Variants in SYPL2 observed in about 807,000 individuals in gnomAD.
The protein encoded by SYPL2 is synaptophysin like 2.
A neutral mutation model predicts 31.3 loss-of-function variants in SYPL2; 24 were observed. The ratio of observed to expected loss-of-function variants is 0.77; its 90% confidence interval spans 0.56 to 1.08. SYPL2 has a LOEUF of 1.08. SYPL2 is among the 50% of genes least tolerant of loss of function. The pLI, the probability that SYPL2 is intolerant of heterozygous loss-of-function variation, is 0.00. For missense variants in SYPL2, 342 were observed against 360.1 expected, an observed-to-expected ratio of 0.95 and a Z score of 0.41; for synonymous variants, 144 against 143.1, an observed-to-expected ratio of 1.01 and a Z score of -0.05.
intron 2 of SYPL2, among the ~76,000 whole-genome samples, chr1:109,472,320 A>G (rs1283054968): frequency 6.6e-6 from 1 of 150,440 alleles, no homozygotes; most frequent in Non-Finnish European, 1.5e-5. Flanking sequence ...CTAGTCTCAA[A>G]CTCCTGGGCT....
intron 2 of SYPL2, among the ~76,000 whole-genome samples, chr1:109,472,918 C>T (rs1226693123): frequency 6.6e-6 from 1 of 152,078 alleles, no homozygotes; most frequent in Non-Finnish European, 1.5e-5. Flanking sequence ...CCATGCCCGG[C>T]CCCTGCTTTC....
intron 2 of SYPL2, among the ~76,000 whole-genome samples, chr1:109,471,972 G>A (rs1375771759): frequency 6.6e-6 from 1 of 151,022 alleles, no homozygotes; most frequent in Non-Finnish European, 1.5e-5. Flanking sequence ...CCAAAGTGTT[G>A]GGATTACAGG....
intron 2 of SYPL2, among the ~76,000 whole-genome samples, chr1:109,469,864 CAAAA>C (rs1655773121): frequency 7.7e-6 from 1 of 129,650 alleles, no homozygotes; most frequent in African/African-American, 2.9e-5. Flanking sequence ...GAAAATAAAA[CAAAA>C]GAAAAAGGAA....
Position 109,473,720 on chromosome 1 carries a change from G to A in SYPL2, c.130-1861G>A, listed in dbSNP as rs146421284. Among the ~76,000 whole-genome samples the A allele has an allele frequency of 3.3e-5, 5 of 152,070 alleles. No individual in the cohort carries two copies. The East Asian group carries it at 5.8e-4, about 18-fold the overall frequency. On this transcript the variant is annotated intron_variant, in intron 2 of 5. Coordinates refer to ENST00000369872, the MANE Select transcript of SYPL2 (RefSeq NM_001040709.2). Reference sequence around the variant, plus strand: ...ATCCTGGCTAACACGGTGAAAACCCGTCTCTACTAAAAAAAATACAAAAAA... The same window carrying A: ...ATCCTGGCTAACACGGTGAAAACCCATCTCTACTAAAAAAAATACAAAAAA...
chr1:109,476,764 T>G lies in SYPL2; in HGVS notation c.255-12T>G, dbSNP rs773935353. 1.9e-6 allele frequency: 3 copies of G among 1,613,528 alleles called. No homozygotes were observed. The Admixed American group carries it at 5.0e-5, about 27-fold the overall frequency. ...TGCCTGAGCTCAGGATGGCCTCCCC[T>G]GCCACCTGCAGGTTGCACCGGATCC... On this transcript the variant is annotated splice_polypyrimidine_tract_variant and intron_variant, in intron 3 of 5. Transcript: ENST00000369872.
At position 109,477,837 on chromosome 1, in the gene SYPL2, C is replaced by A. The variant is rs759764156; in HGVS notation, c.476C>A (p.Ser159Tyr). ...FPLVDFCVTVSFTFFWLVAAA... is the reference protein window; with the variant it reads ...FPLVDFCVTVYFTFFWLVAAA... ...TCCCAGGACTTCTGTGTGACTGTCT[C>A]CTTCACCTTCTTCTGGCTGGTAGCT... The change falls in exon 5 of 6, where the codon TCC (serine) becomes TAC (tyrosine). Residue 159 changes from serine (S) to tyrosine (Y), a missense_variant. Ser to Tyr is a moderately radical substitution (Grantham distance 144). Coordinates refer to ENST00000369872, the MANE Select transcript of SYPL2 (RefSeq NM_001040709.2). 13 of 1,611,074 alleles carry A rather than the reference C, an allele frequency of 8.1e-6. No individual in the cohort carries two copies. The highest frequency in any genetic ancestry group is 1.3e-5 in the African/African-American group (1 of 74,920).
chr1:109,475,783 A>G (rs1655981980), intron 3 of SYPL2, 78 bp downstream of exon 3: 12 of 1,551,700 alleles, frequency 7.7e-6, no homozygotes, highest in Admixed American at 1.9e-5. Context: ...TTCCTCCTCC[A>G]GAAACCTAAA....
In SYPL2 at chr1:109,475,595, C is replaced by T. The variant is rs368388571; in HGVS notation, c.144C>T (p.Phe48=). 40 of 1,613,890 alleles carry T rather than the reference C, an allele frequency of 2.5e-5. No individual in the cohort carries two copies. The African/African-American group carries it at 2.7e-4, about 11-fold the overall frequency. Reference sequence around the variant, plus strand: ...CTCTCTCTCAGCTCTTTGCTATTTTCGCCTTCGGGTCCTGTGGCTCCTACA... The same window carrying T: ...CTCTCTCTCAGCTCTTTGCTATTTTTGCCTTCGGGTCCTGTGGCTCCTACA... ...IKVLQWLFAI[F]AFGSCGSYSG... The change falls in exon 3 of 6, where the codon TTC becomes TTT. Residue 48 remains phenylalanine (F), a synonymous_variant. Transcript: ENST00000369872.
Position 109,475,696 on chromosome 1 carries a change from A to G in SYPL2, c.245A>G (p.Tyr82Cys). The change falls in exon 3 of 6, where the codon TAT (tyrosine) becomes TGT (cysteine). Residue 82 changes from tyrosine to cysteine, a missense_variant. Transcript: ENST00000369872. ...AGCTCCATCATCGTTGCATTTGGCT[A>G]TCCCTTCAGGTGAGCAAGAATTGGT... The part of the protein sequence containing the change: ...DVSSIIVAFG[Y>C]PFRLHRIQYE... 1 of 1,614,032 alleles carries G rather than the reference A, an allele frequency of 6.2e-7. No homozygotes were observed. The highest frequency in any genetic ancestry group is 8.5e-7 in the Non-Finnish European group (1 of 1,179,898).
chr1:109,473,767 C>A (rs910889955), intron 2 of SYPL2, among the ~76,000 whole-genome samples: 5 of 151,872 alleles, frequency 3.3e-5, no homozygotes, highest in Admixed American at 2.0e-4. Context: ...TGGTGGTGGG[C>A]GCCTATAGTC....
intron 3 of SYPL2, 117 bp from the exon 4 acceptor site, chr1:109,476,659 A>C: frequency 1.9e-6 from 2 of 1,050,034 alleles, no homozygotes; most frequent in Non-Finnish European, 2.8e-6. Context: ...GCCTCCTTAC[A>C]TGACCCCTTT....
intron 5 of SYPL2, among the ~76,000 whole-genome samples, 163 bp from the exon 6 acceptor site, chr1:109,479,215 T>C (rs9661614): frequency 0.38 from 58,368 of 152,176 alleles, 13,631 homozygotes; most frequent in African/African-American, 0.65. Flanking sequence ...CAGTTGATGG[T>C]CCTGAGCCCT....
In SYPL2 at chr1:109,481,222, G is replaced by GT. The variant is rs1181375643; in HGVS notation, c.*1675dup. ...GAGATTTACATCCCCAAATGCTTGA[G>GT]TCCCTCAGTGAAAGAATTAGTTTTT... On this transcript the variant is annotated 3_prime_UTR_variant, in exon 6 of 6. Coordinates refer to ENST00000369872, the MANE Select transcript of SYPL2 (RefSeq NM_001040709.2). 1.3e-5 allele frequency: 2 copies of GT among 152,666 alleles called. No individual in the cohort carries two copies. The highest frequency in any genetic ancestry group is 2.9e-5 in the Non-Finnish European group (2 of 68,054). 9.5% of individuals were successfully genotyped at this position (152,666 alleles called of 1,614,324 possible).
In SYPL2 at chr1:109,466,802, G is replaced by A; in HGVS notation, c.-42G>A. 6.7e-7 allele frequency: 1 copy of A among 1,497,902 alleles called. No homozygotes were observed. The highest frequency in any genetic ancestry group is 2.1e-4 in the Middle Eastern group (1 of 4,668). 92.8% of individuals were successfully genotyped at this position (1,497,902 alleles called of 1,614,324 possible). On this transcript the variant is annotated 5_prime_UTR_variant, in exon 1 of 6. Coordinates refer to ENST00000369872, the MANE Select transcript of SYPL2 (RefSeq NM_001040709.2). ...CCGTGTCCGCCGCCTCCCGGCCAGA[G>A]AGCCAAGCCACCACGCCGCGCCCAG...
At chr1:109,467,247 A>T in intron 2 of SYPL2, 114 bp downstream of exon 2, 113 of 77,810 alleles carry the variant, frequency 1.5e-3, no homozygotes, top group East Asian at 2.6e-3. Context: ...CCACGGCGGA[A>T]GGGTGGGGGG....
At chr1:109,477,075 C>G (rs959909316) in intron 4 of SYPL2, 98 bp downstream of exon 4, 1 of 1,442,768 alleles carries the variant, frequency 6.9e-7, no homozygotes, top group Admixed American at 1.9e-5. Flanking sequence ...TGGCGGCTTC[C>G]ACCCCCATGG....
At chr1:109,474,928 A>G (rs925109439) in intron 2 of SYPL2, among the ~76,000 whole-genome samples, 1 of 152,246 alleles carries the variant, frequency 6.6e-6, no homozygotes, top group African/African-American at 2.4e-5. Flanking sequence ...TGGCCCAGCC[A>G]GCACTATTGC....
In SYPL2 at chr1:109,466,764, C is replaced by T; in HGVS notation, c.-80C>T. On this transcript the variant is annotated 5_prime_UTR_variant, in exon 1 of 6. Transcript: ENST00000369872. ...CCTGCTCTGCCCCGGACCTGCAGCT[C>T]CCCGCTCCCCCGCCGTGTCCGCCGC... 1.4e-6 allele frequency: 2 copies of T among 1,412,082 alleles called. No homozygotes were observed. The highest frequency in any genetic ancestry group is 1.8e-6 in the Non-Finnish European group (2 of 1,085,682). 87.5% of individuals were successfully genotyped at this position (1,412,082 alleles called of 1,614,324 possible).
At chr1:109,477,129 C>A in intron 4 of SYPL2, 152 bp downstream of exon 4, 1 of 860,322 alleles carries the variant, frequency 1.2e-6, no homozygotes, top group Non-Finnish European at 1.8e-6. Context: ...TGCTCCTGTT[C>A]ACAGGAGGCA....
Sources: gnomAD v4.1 joint callset for allele counts (sites outside exome capture counted in the v4.1 genomes callset) on GRCh38, gnomAD v4.1.1 for gene constraint, MANE v1.5 for transcripts, NCBI Gene and HGNC (gene_info 2026-07-23, HGNC 2026-07-21) for gene names.